CTNNA3: variants seen among roughly 807,000 people sequenced by gnomAD.
The protein encoded by CTNNA3 is catenin alpha 3.
Under a neutral mutation model 95.7 loss-of-function variants are expected in CTNNA3, and 76 were observed. The observed-to-expected ratio is 0.79, with a 90% CI of 0.66 to 0.96. The LOEUF (loss-of-function observed/expected upper bound fraction) is 0.96, where lower values mean the gene tolerates loss of function less well. Ranked by LOEUF, CTNNA3 falls within the 40% of genes least tolerant of loss-of-function variation. CTNNA3 has a pLI of 0.00. For missense variants in CTNNA3, 1,191 were observed against 1,089.8 expected (o/e 1.09, Z -1.31); for synonymous variants, 431 against 374.4 (o/e 1.15, Z -1.74).
At chr10:67,686,612 C>G (rs936205631) in intron 1 of CTNNA3, among the ~76,000 whole-genome samples, 13 of 152,136 alleles carry the variant, frequency 8.5e-5, no homozygotes, top group African/African-American at 4.8e-5. Flanking sequence ...GTAGTCCAGA[C>G]AGTGAGATCC....
chr10:67,222,469 T>A (rs1864707819), intron 5 of CTNNA3, among the ~76,000 whole-genome samples: 1 of 152,134 alleles, frequency 6.6e-6, no homozygotes, highest in South Asian at 2.1e-4. Context: ...ACATAGCACA[T>A]CAGAAATGGA....
chr10:66,178,451 A>ACG (rs2085857299), intron 13 of CTNNA3, among the ~76,000 whole-genome samples: 1 of 109,514 alleles, frequency 9.1e-6, no homozygotes, highest in African/African-American at 3.3e-5. Flanking sequence ...ATACACACAC[A>ACG]GATATAGAAA....
chr10:65,944,858 A>G (rs774459511), intron 17 of CTNNA3, among the ~76,000 whole-genome samples: 21 of 45,494 alleles, frequency 4.6e-4, no homozygotes, highest in African/African-American at 1.2e-3. Flanking sequence ...ATATCTGTCT[A>G]TCTATCTATC....
intron 3 of CTNNA3, among the ~76,000 whole-genome samples, chr10:67,541,564 C>T (rs1019855866): frequency 2.0e-5 from 3 of 151,928 alleles, no homozygotes; most frequent in African/African-American, 7.2e-5. Flanking sequence ...CAGTAAATGC[C>T]TTCAATGTCC....
At chr10:67,595,067 C>G (rs1345709067) in intron 3 of CTNNA3, among the ~76,000 whole-genome samples, 4 of 152,080 alleles carry the variant, frequency 2.6e-5, no homozygotes, top group Non-Finnish European at 5.9e-5. Flanking sequence ...TAATTTGTTC[C>G]TTTTATGTCT....
At chr10:66,170,047 C>T (rs376904401) in intron 13 of CTNNA3, among the ~76,000 whole-genome samples, 55 of 152,024 alleles carry the variant, frequency 3.6e-4, no homozygotes, top group African/African-American at 1.3e-3. Flanking sequence ...TATTTATCTT[C>T]GTTTTTGTTG....
intron 12 of CTNNA3, among the ~76,000 whole-genome samples, chr10:66,281,144 T>A (rs1298250316): frequency 6.6e-6 from 1 of 151,918 alleles, no homozygotes; most frequent in Non-Finnish European, 1.5e-5. Context: ...TTTAGTAAGA[T>A]GTTTTCTCTA....
intron 10 of CTNNA3, among the ~76,000 whole-genome samples, chr10:66,537,051 GAA>G (rs11315798): frequency 1.4e-5 from 2 of 143,426 alleles, no homozygotes; most frequent in African/African-American, 5.0e-5. Flanking sequence ...AGTTTTTACT[GAA>G]AAAAAAAAAG....
intron 5 of CTNNA3, among the ~76,000 whole-genome samples, chr10:67,394,828 C>G (rs1844657164): frequency 6.6e-6 from 1 of 151,966 alleles, no homozygotes; most frequent in African/African-American, 2.4e-5. Context: ...GCCTTTCATG[C>G]TCAGCAGGCA....
rs1207637044 is a variant in CTNNA3, at chr10:66,007,704, T to TCCTCCCTCCCTCCCTCCCTCCCTC, written c.2160-18908_2160-18907insGAGGGAGGGAGGGAGGGAGGGAGG. Among the ~76,000 whole-genome samples, 120 of 86,270 alleles carry TCCTCCCTCCCTCCCTCCCTCCCTC rather than the reference T, an allele frequency of 1.4e-3. 1 individual carries two copies. Among genetic ancestry groups the TCCTCCCTCCCTCCCTCCCTCCCTC allele is most frequent in the African/African-American group, 3.0e-3 (64 of 21,272 alleles). The allele number at this position is 86,270 out of a possible 152,430, so 56.6% of individuals were successfully genotyped here. A position where few individuals can be genotyped will look rare whatever the true frequency, so the allele number is the denominator to read the frequency against. On this transcript the variant is annotated intron_variant, in intron 15 of 17. Transcript: ENST00000433211. Reference sequence around the variant, plus strand: ...AAGGAGTATAAGCCAGGCTTTTAGATCCTCCCTCCCTCCCTCCCTCCCTTT... The same window carrying TCCTCCCTCCCTCCCTCCCTCCCTC: ...AAGGAGTATAAGCCAGGCTTTTAGATCCTCCCTCCCTCCCTCCCTCCCTCCCTCCCTCCCTCCCTCCCTCCCTTT...
intron 1 of CTNNA3, among the ~76,000 whole-genome samples, chr10:67,680,231 G>A (rs916936666): frequency 6.6e-6 from 1 of 152,184 alleles, no homozygotes; most frequent in Non-Finnish European, 1.5e-5. Context: ...GAAAGGTCCA[G>A]GGGGTCTCAA....
intron 13 of CTNNA3, among the ~76,000 whole-genome samples, chr10:66,201,080 T>G (rs2131916886): frequency 6.6e-6 from 1 of 152,300 alleles, no homozygotes; most frequent in South Asian, 2.1e-4. Flanking sequence ...ATCTCCAAAA[T>G]CTATAAACTT....
intron 14 of CTNNA3, chr10:66,079,276 T>A (rs557994995): frequency 1.5e-4 from 23 of 152,028 alleles, no homozygotes; most frequent in South Asian, 6.2e-4. Context: ...AAGATCCCTG[T>A]GCAGAAAAAG....
At chr10:66,561,923 A>G (rs943019290) in intron 10 of CTNNA3, among the ~76,000 whole-genome samples, 6 of 152,048 alleles carry the variant, frequency 3.9e-5, no homozygotes, top group African/African-American at 1.4e-4. Context: ...ATACATCGTG[A>G]CGATGGTTTG....
At chr10:66,044,043 T>A (rs1269770329) in intron 15 of CTNNA3, among the ~76,000 whole-genome samples, 2 of 151,756 alleles carry the variant, frequency 1.3e-5, no homozygotes, top group African/African-American at 4.8e-5. Flanking sequence ...TCACCCAAGC[T>A]AGAGTGCAGT....
intron 1 of CTNNA3, among the ~76,000 whole-genome samples, chr10:67,669,477 A>C (rs185102098): frequency 7.9e-4 from 120 of 152,334 alleles, no homozygotes; most frequent in Non-Finnish European, 1.5e-3. Context: ...AAATGTCATA[A>C]TAAGAATAGT....
At chr10:67,632,188 G>T (rs1226730346) in intron 2 of CTNNA3, among the ~76,000 whole-genome samples, 1 of 147,754 alleles carries the variant, frequency 6.8e-6, no homozygotes, top group Non-Finnish European at 1.5e-5. Context: ...GGGTAGAGAT[G>T]GATGTGTTAA....
chr10:67,537,528 T>C (rs1201632805), intron 4 of CTNNA3, among the ~76,000 whole-genome samples: 1 of 152,224 alleles, frequency 6.6e-6, no homozygotes, highest in Non-Finnish European at 1.5e-5. Flanking sequence ...TTGCATGGTA[T>C]GATGTATGTG....
chr10:66,922,000 T>C (rs1409576091), intron 7 of CTNNA3, among the ~76,000 whole-genome samples: 1 of 152,248 alleles, frequency 6.6e-6, no homozygotes, highest in African/African-American at 2.4e-5. Flanking sequence ...TCTAAGTTTA[T>C]ATCTGGCAAC....
Sources: gnomAD v4.1 joint callset for allele counts (sites outside exome capture counted in the v4.1 genomes callset) on GRCh38, gnomAD v4.1.1 for gene constraint, MANE v1.5 for transcripts, NCBI Gene and HGNC (gene_info 2026-07-23, HGNC 2026-07-21) for gene names.